PCBP3: variants seen among roughly 807,000 people sequenced by gnomAD.
PCBP3 encodes poly(rC)-binding protein 3.
PCBP3 carries 25 observed loss-of-function variants against 52.7 expected under a neutral mutation model. The ratio of observed to expected loss-of-function variants is 0.47; its 90% CI spans 0.35 to 0.66. The LOEUF is 0.66. PCBP3 is among the 30% of genes least tolerant of loss of function. PCBP3 has a pLI of 0.01. For missense variants in PCBP3, 391 were observed against 490.3 expected (o/e 0.80, Z 1.91); for synonymous variants, 162 against 183.0 (o/e 0.89, Z 0.93).
chr21:45,703,311 T>C (rs1490749066), intron 2 of PCBP3, among the ~76,000 whole-genome samples: 1 of 152,246 alleles, frequency 6.6e-6, no homozygotes, highest in Non-Finnish European at 1.5e-5. Context: ...GGAATCACCA[T>C]CTGTGGCAGC....
intron 1 of PCBP3, among the ~76,000 whole-genome samples, chr21:45,665,112 ATAC>A (rs1569092432): frequency 6.6e-6 from 1 of 151,986 alleles, no homozygotes; most frequent in Non-Finnish European, 1.5e-5. Context: ...GTGTTTAGAA[ATAC>A]TACTGCTGGG....
Position 45,909,438 on chromosome 21 carries a change from T to C in PCBP3, c.423T>C (p.Cys141=), listed in dbSNP as rs2277812. The change falls in exon 10 of 18, where the codon TGT becomes TGC. Residue 141 remains cysteine (C), a synonymous_variant. Transcript: ENST00000681687. ...TLRLVVPASQ[C]GSLIGKGGSK... is the part of the protein sequence containing the mutation. The stretch of plus-strand genomic sequence containing the variant: ...GGCTGGTGGTGCCTGCCAGCCAGTG[T>C]GGGTCCCTGATCGGCAAAGGAGGCT... The C allele has an allele frequency of 0.72, 1,163,059 of 1,612,578 alleles. 425,531 individuals carry two copies. The highest frequency in any genetic ancestry group is 1 in the East Asian group (44,645 of 44,862).
At chr21:45,746,074 G>A (rs1467585243) in intron 3 of PCBP3, among the ~76,000 whole-genome samples, 6 of 140,372 alleles carry the variant, frequency 4.3e-5, no homozygotes, top group Non-Finnish European at 9.2e-5. Context: ...GTCCACTGAC[G>A]TAGCGCACAC....
intron 5 of PCBP3, among the ~76,000 whole-genome samples, chr21:45,876,640 A>C (rs924578074): frequency 1.3e-5 from 2 of 152,220 alleles, no homozygotes; most frequent in Admixed American, 6.5e-5. Flanking sequence ...CATGAAGTGC[A>C]TGTGAGGCTC....
At chr21:45,690,737 A>T (rs2082413257) in intron 2 of PCBP3, among the ~76,000 whole-genome samples, 1 of 152,192 alleles carries the variant, frequency 6.6e-6, no homozygotes, top group Non-Finnish European at 1.5e-5. Flanking sequence ...AGTCTTCAGG[A>T]AAATGAAAGC....
intron 3 of PCBP3, among the ~76,000 whole-genome samples, chr21:45,747,800 G>A (rs1236551484): frequency 6.6e-5 from 10 of 152,210 alleles, no homozygotes. Flanking sequence ...GCCCAGCGGA[G>A]GTCTCATGGC....
In PCBP3 at chr21:45,873,885, T is replaced by C. The variant is rs142921804; in HGVS notation, c.11-22323T>C. On this transcript the variant is annotated intron_variant, in intron 5 of 17. Coordinates refer to ENST00000681687, the MANE Select transcript of PCBP3 (RefSeq NM_001384156.1). ...ACCTCAGCTCACTATACCCTCCACC[T>C]CCCAGGCAGCTGGGACTACAAGCGT... Among the ~76,000 whole-genome samples, 314 of 152,094 alleles carry C rather than the reference T, an allele frequency of 2.1e-3. 3 individuals carry two copies. Among genetic ancestry groups the C allele is most frequent in the African/African-American group, 7.2e-3 (298 of 41,518 alleles).
At chr21:45,671,865 G>A (rs1157371153) in intron 2 of PCBP3, among the ~76,000 whole-genome samples, 1 of 152,142 alleles carries the variant, frequency 6.6e-6, no homozygotes, top group East Asian at 1.9e-4. Flanking sequence ...CATGGTCAGT[G>A]TGGCGTGTCT....
intron 2 of PCBP3, among the ~76,000 whole-genome samples, chr21:45,681,810 T>C (rs181380364): frequency 2.2e-4 from 34 of 152,180 alleles, no homozygotes; most frequent in African/African-American, 7.7e-4. Flanking sequence ...TTCTGGAAAA[T>C]ATGATAACCA....
Position 45,849,471 on chromosome 21 carries a change from G to T in PCBP3, c.-125-490G>T, listed in dbSNP as rs183004990. On this transcript the variant is annotated intron_variant, in intron 4 of 17. Coordinates refer to ENST00000681687, the MANE Select transcript of PCBP3 (RefSeq NM_001384156.1). The stretch of plus-strand genomic sequence containing the variant: ...TCCTCCCGTCTTGGCCTCCCAAAGT[G>T]CTGGGATTACAGGCATGAGCCACCA... Among the ~76,000 whole-genome samples the T allele has an allele frequency of 3.9e-5, 6 of 152,232 alleles. No individual in the cohort carries two copies. The East Asian group carries it at 1.2e-3, about 29-fold the overall frequency.
At chr21:45,758,807 T>C (rs1480093714) in intron 4 of PCBP3, among the ~76,000 whole-genome samples, 3 of 152,142 alleles carry the variant, frequency 2.0e-5, no homozygotes, top group Admixed American at 6.5e-5. Context: ...GGGACATCTT[T>C]GTCTTGTTTC....
chr21:45,904,527 G>C lies in PCBP3; in HGVS notation c.339+3414G>C, dbSNP rs953911239. On this transcript the variant is annotated intron_variant, in intron 9 of 17. Coordinates refer to ENST00000681687, the MANE Select transcript of PCBP3 (RefSeq NM_001384156.1). This position sits in a 1 kb window ranked among gnomAD's most constrained non-coding sequence, Gnocchi z 4.8. ...CAGGACAGTGTTGTTCTTGAGTAAGGGGTAACTACTCAGAGAGTTCTGTTA... is the reference window on the plus strand; with the variant it reads ...CAGGACAGTGTTGTTCTTGAGTAAGCGGTAACTACTCAGAGAGTTCTGTTA... 6.6e-6 allele frequency among the ~76,000 whole-genome samples: 1 copy of C among 152,150 alleles called. No homozygotes were observed. The highest frequency in any genetic ancestry group is 2.4e-5 in the African/African-American group (1 of 41,424).
At chr21:45,709,675 A>T (rs1429487480) in intron 2 of PCBP3, among the ~76,000 whole-genome samples, 1 of 152,208 alleles carries the variant, frequency 6.6e-6, no homozygotes, top group Non-Finnish European at 1.5e-5. Flanking sequence ...CCAGTTTAAC[A>T]TCTTACATCA....
intron 4 of PCBP3, among the ~76,000 whole-genome samples, chr21:45,834,341 T>G (rs1165031790): frequency 1.3e-5 from 2 of 152,226 alleles, no homozygotes; most frequent in Non-Finnish European, 2.9e-5. Context: ...CTGGAAGTTG[T>G]GAATGAATGA....
chr21:45,792,699 ACAT>A (rs2091686094), intron 4 of PCBP3, among the ~76,000 whole-genome samples: 1 of 152,252 alleles, frequency 6.6e-6, no homozygotes, highest in Non-Finnish European at 1.5e-5. Flanking sequence ...TTGTGGAATC[ACAT>A]CACCACAGAA....
At chr21:45,934,223 C>T (rs901457353) in intron 15 of PCBP3, among the ~76,000 whole-genome samples, 3 of 152,102 alleles carry the variant, frequency 2.0e-5, no homozygotes, top group Non-Finnish European at 2.9e-5. Context: ...CTGCAGAATC[C>T]GAGTTACAAG....
chr21:45,937,180 A>G (rs1011237413), intron 16 of PCBP3, among the ~76,000 whole-genome samples: 13 of 152,274 alleles, frequency 8.5e-5, no homozygotes, highest in African/African-American at 2.9e-4. Flanking sequence ...TCACAGTTGG[A>G]TCATGCTGCC....
At chr21:45,903,578 A>G (rs2096122535) in intron 9 of PCBP3, among the ~76,000 whole-genome samples, 2 of 152,204 alleles carry the variant, frequency 1.3e-5, no homozygotes, top group Non-Finnish European at 2.9e-5. Context: ...GGGATAATCA[A>G]GAATGGCACT....
chr21:45,825,837 C>G (rs750417050), intron 4 of PCBP3, among the ~76,000 whole-genome samples: 6 of 152,026 alleles, frequency 3.9e-5, no homozygotes, highest in Non-Finnish European at 8.8e-5. Context: ...GAATCTTTCA[C>G]AGGGAGGGAT....
Sources: allele counts gnomAD v4.1 joint callset (sites outside exome capture counted in the v4.1 genomes callset), GRCh38; gene constraint gnomAD v4.1.1; non-coding constraint Gnocchi (gnomAD v3.1); transcripts MANE v1.5; gene names NCBI Gene and HGNC (gene_info 2026-07-23, HGNC 2026-07-21).